CHN2: variants seen among roughly 807,000 people sequenced by gnomAD.
CHN2 encodes beta-chimaerin.
A neutral mutation model predicts 56.3 loss-of-function variants in CHN2; 35 were observed. The ratio of observed to expected loss-of-function variants is 0.62; its 90% CI spans 0.47 to 0.82. The LOEUF is 0.82. CHN2 is among the 40% of genes least tolerant of loss of function. The pLI is 0.00. For missense variants in CHN2, 491 were observed against 580.5 expected, an observed-to-expected ratio of 0.85 and a Z score of 1.58; for synonymous variants, 210 against 212.8, an observed-to-expected ratio of 0.99 and a Z score of 0.12.
chr7:29,459,857 A>C (rs1457987836), intron 6 of CHN2, among the ~76,000 whole-genome samples: 1 of 152,208 alleles, frequency 6.6e-6, no homozygotes, highest in African/African-American at 2.4e-5. Context: ...TACCATTAGA[A>C]ACCAGGCAAC....
chr7:29,444,425 C>A (rs1320096778), intron 6 of CHN2, among the ~76,000 whole-genome samples: 1 of 152,124 alleles, frequency 6.6e-6, no homozygotes, highest in Non-Finnish European at 1.5e-5. Context: ...TTCATCTGGG[C>A]CCAAGGAATA....
intron 6 of CHN2, among the ~76,000 whole-genome samples, chr7:29,457,532 G>A (rs1456873965): frequency 6.6e-6 from 1 of 152,170 alleles, no homozygotes; most frequent in Non-Finnish European, 1.5e-5. Context: ...CCAGAAGACA[G>A]TCATTGTATA....
intron 6 of CHN2, among the ~76,000 whole-genome samples, chr7:29,433,007 A>G (rs1404680896): frequency 6.6e-6 from 1 of 152,220 alleles, no homozygotes; most frequent in African/African-American, 2.4e-5. Flanking sequence ...GTTACCAAAA[A>G]GAATTCTTGC....
intron 6 of CHN2, among the ~76,000 whole-genome samples, chr7:29,477,749 C>A (rs1399206144): frequency 6.6e-6 from 1 of 152,230 alleles, no homozygotes; most frequent in African/African-American, 2.4e-5. Flanking sequence ...AGAGAGTAGA[C>A]CCCTGGAGGG....
intron 9 of CHN2, among the ~76,000 whole-genome samples, chr7:29,503,759 G>A (rs1326866947): frequency 6.6e-6 from 1 of 152,214 alleles, no homozygotes; most frequent in Non-Finnish European, 1.5e-5. Flanking sequence ...AGGAGAATAT[G>A]TGAGTTATCA....
chr7:29,148,136 G>A (rs717131), intron 2 of CHN2, among the ~76,000 whole-genome samples: 14,502 of 152,146 alleles, frequency 0.095, 1,559 homozygotes, highest in African/African-American at 0.24. Flanking sequence ...CACTGCTGCT[G>A]GCGTGCAGAC....
chr7:29,153,950 TA>T (rs1304807219), intron 2 of CHN2, among the ~76,000 whole-genome samples: 3 of 152,146 alleles, frequency 2.0e-5, no homozygotes, highest in Non-Finnish European at 4.4e-5. Context: ...ATGTATAAAA[TA>T]CAAAATATAT....
chr7:29,373,817 C>A (rs1463901047), intron 3 of CHN2, among the ~76,000 whole-genome samples: 3 of 152,186 alleles, frequency 2.0e-5, no homozygotes, highest in Non-Finnish European at 4.4e-5. Flanking sequence ...ATATCATTTT[C>A]AACTAACTCA....
At chr7:29,465,503 A>G (rs775394826) in intron 6 of CHN2, among the ~76,000 whole-genome samples, 1 of 152,190 alleles carries the variant, frequency 6.6e-6, no homozygotes, top group African/African-American at 2.4e-5. Context: ...TACAATACAC[A>G]TCTCACATTG....
chr7:29,381,849 A>G (rs910039199), intron 3 of CHN2, among the ~76,000 whole-genome samples: 100 of 130,686 alleles, frequency 7.7e-4, no homozygotes, highest in Middle Eastern at 4.1e-3. Context: ...AGGGCCTAGG[A>G]GGGCGGACCA....
At chr7:29,150,357 C>CA (rs983666597) in intron 2 of CHN2, among the ~76,000 whole-genome samples, 3 of 152,122 alleles carry the variant, frequency 2.0e-5, no homozygotes, top group African/African-American at 4.8e-5. Context: ...TATAAAGGCT[C>CA]AAAAAATGGC....
chr7:29,480,150 T>C lies in CHN2; in HGVS notation c.577-129T>C, dbSNP rs763336210. Reference sequence around the variant, plus strand: ...ACTGTGGCTGGAAAATGAGAAAAAGTGTGCTGTGGTTCGGAAGTCTAAGCA... The same window carrying C: ...ACTGTGGCTGGAAAATGAGAAAAAGCGTGCTGTGGTTCGGAAGTCTAAGCA... On this transcript the variant is annotated intron_variant, in intron 6 of 12. Transcript: ENST00000222792. The C allele has an allele frequency of 7.6e-6, 12 of 1,573,378 alleles. No homozygotes were observed. The East Asian group carries it at 1.6e-4, about 21-fold the overall frequency.
chr7:29,201,719 G>T (rs1784176888), intron 1 of CHN2, among the ~76,000 whole-genome samples: 1 of 152,070 alleles, frequency 6.6e-6, no homozygotes, highest in South Asian at 2.1e-4. Flanking sequence ...TACCATATTG[G>T]ACTACACAGA....
intron 1 of CHN2, among the ~76,000 whole-genome samples, chr7:29,232,377 G>C (rs1786784924): frequency 6.6e-6 from 1 of 151,918 alleles, no homozygotes; most frequent in African/African-American, 2.4e-5. Context: ...TTTTCATCTT[G>C]TCAGATTTCT....
At chr7:29,452,886 C>T (rs911309679) in intron 6 of CHN2, among the ~76,000 whole-genome samples, 1 of 152,250 alleles carries the variant, frequency 6.6e-6, no homozygotes, top group African/African-American at 2.4e-5. Flanking sequence ...CCCGACTCCA[C>T]TGCTTCTTCC....
intron 6 of CHN2, among the ~76,000 whole-genome samples, chr7:29,434,307 A>C (rs1783064558): frequency 6.6e-6 from 1 of 152,176 alleles, no homozygotes. Context: ...TGAGAAATGT[A>C]AAGGCCCCTT....
chr7:29,292,901 G>C, intron 1 of CHN2: 1 of 456,264 alleles, frequency 2.2e-6, no homozygotes. Context: ...TTAACTGGCT[G>C]TTTCCACTCT....
At chr7:29,362,290 T>C (rs1282605220) in intron 2 of CHN2, among the ~76,000 whole-genome samples, 1 of 152,172 alleles carries the variant, frequency 6.6e-6, no homozygotes, top group Admixed American at 6.5e-5. Flanking sequence ...ACCTTGAGCA[T>C]CTTCAAAGCT....
intron 6 of CHN2, among the ~76,000 whole-genome samples, chr7:29,439,917 C>A (rs1271720307): frequency 1.3e-5 from 2 of 152,186 alleles, no homozygotes; most frequent in Non-Finnish European, 2.9e-5. Context: ...TACAGACAGG[C>A]AAACCGAGTC....
Sources: gnomAD v4.1 joint callset for allele counts (sites outside exome capture counted in the v4.1 genomes callset) on GRCh38, gnomAD v4.1.1 for gene constraint, MANE v1.5 for transcripts, NCBI Gene and HGNC (gene_info 2026-07-23, HGNC 2026-07-21) for gene names.